The following PRKCI variants were observed in gnomAD, a reference collection of about 807,000 sequenced individuals.
The protein encoded by PRKCI is protein kinase C iota.
PRKCI carries 43 observed loss-of-function variants against 84.0 expected under a neutral mutation model. The ratio of observed to expected loss-of-function variants is 0.51; its 90% confidence interval spans 0.40 to 0.66. PRKCI has a LOEUF of 0.66. Among genes scored for constraint, PRKCI ranks in the 30% least tolerant of loss-of-function variants. PRKCI has a pLI of 0.00. For missense variants in PRKCI, 459 were observed against 745.6 expected (o/e 0.62, Z 4.48); for synonymous variants, 216 against 234.4 (o/e 0.92, Z 0.72).
chr3:170,223,084 C>T (rs2036065306), intron 1 of PRKCI, among the ~76,000 whole-genome samples: 1 of 152,068 alleles, frequency 6.6e-6, no homozygotes, highest in African/African-American at 2.4e-5. Flanking sequence ...TTTGTAGGGG[C>T]CTTGCATCCT....
intron 2 of PRKCI, among the ~76,000 whole-genome samples, chr3:170,258,941 C>G (rs7609783): frequency 0.34 from 52,310 of 151,970 alleles, 9,981 homozygotes; most frequent in African/African-American, 0.51. Flanking sequence ...CAGAAAGCCT[C>G]CTCTTTAGAC....
chr3:170,254,767 GT>G (rs1487021891), intron 2 of PRKCI, among the ~76,000 whole-genome samples: 1 of 152,152 alleles, frequency 6.6e-6, no homozygotes, highest in Non-Finnish European at 1.5e-5. Context: ...GATCCCTCCA[GT>G]TTTGTTCTTT....
chr3:170,299,039 T>C lies in PRKCI; in HGVS notation c.1632T>C (p.Ser544=). The C allele has an allele frequency of 1.2e-6, 2 of 1,613,562 alleles. No individual in the cohort carries two copies. Among genetic ancestry groups the C allele is most frequent in the Non-Finnish European group, 1.7e-6 (2 of 1,179,830 alleles). The part of the protein sequence containing the change: ...QVVPPFKPNI[S]GEFGLDNFDS... Reference sequence around the variant, plus strand: ...TACCTCCCTTTAAACCAAATATTTCTGGGGAATTTGGTTTGGACAACTTTG... The same window carrying C: ...TACCTCCCTTTAAACCAAATATTTCCGGGGAATTTGGTTTGGACAACTTTG... Residue 544 remains serine, a synonymous_variant, in exon 17 of 18, where the codon TCT becomes TCC. Transcript: ENST00000295797.
At chr3:170,284,399 A>C (rs1428440946) in intron 11 of PRKCI, 62 bp from the exon 12 acceptor site, 1 of 1,344,438 alleles carries the variant, frequency 7.4e-7, no homozygotes, top group Non-Finnish European at 1.0e-6. Flanking sequence ...TTGTGTTTCC[A>C]GTTGTAAATG....
chr3:170,290,731 T>C lies in PRKCI; in HGVS notation c.1204-1123T>C, dbSNP rs1734530853. Among the ~76,000 whole-genome samples, 3 of 152,202 alleles carry C rather than the reference T, an allele frequency of 2.0e-5. No individual in the cohort carries two copies. In the South Asian group the frequency reaches 6.2e-4, roughly 31 times the overall value. On this transcript the variant is annotated intron_variant, in intron 12 of 17. Coordinates refer to ENST00000295797, the MANE Select transcript of PRKCI (RefSeq NM_002740.6). ...TATTTTGAGGCCATGTTGTTGAGTG[T>C]ATGCAAGTGTATATTTGTTACAATT...
chr3:170,300,435 A>G (rs1734792986), intron 17 of PRKCI, among the ~76,000 whole-genome samples: 1 of 151,900 alleles, frequency 6.6e-6, no homozygotes, highest in South Asian at 2.1e-4. Context: ...TCATTTTGTC[A>G]GTTATCTTTT....
chr3:170,288,355 A>G (rs1465440879), intron 12 of PRKCI, among the ~76,000 whole-genome samples: 2 of 152,184 alleles, frequency 1.3e-5, no homozygotes, highest in East Asian at 1.9e-4. Flanking sequence ...GGGATCCTCA[A>G]TCAAGTTAGT....
At position 170,267,881 on chromosome 3, in the gene PRKCI, T is replaced by C. The variant is rs781102798; in HGVS notation, c.365-34T>C. On this transcript the variant is annotated intron_variant, in intron 4 of 17. Coordinates refer to ENST00000295797, the MANE Select transcript of PRKCI (RefSeq NM_002740.6). Reference sequence around the variant, plus strand: ...AAATGATTTTTACTCAAACTTGCTCTTTTTTCTTTTTTTAACTATTACTCT... The same window carrying C: ...AAATGATTTTTACTCAAACTTGCTCCTTTTTCTTTTTTTAACTATTACTCT... 8 of 1,478,766 alleles carry C rather than the reference T, an allele frequency of 5.4e-6. No individual in the cohort carries two copies. In the Admixed American group the frequency reaches 6.3e-5, roughly 12 times the overall value. The allele number at this position is 1,478,766 out of a possible 1,614,324, so 91.6% of individuals were successfully genotyped here. A position where few individuals can be genotyped will look rare whatever the true frequency, so the allele number is the denominator to read the frequency against.
chr3:170,296,799 A>T (rs1174220751), intron 15 of PRKCI, among the ~76,000 whole-genome samples: 1 of 152,224 alleles, frequency 6.6e-6, no homozygotes, highest in African/African-American at 2.4e-5. Flanking sequence ...ACATATTCTC[A>T]TTCATAGTGA....
chr3:170,271,708 T>C lies in PRKCI; in HGVS notation c.591+1147T>C, dbSNP rs549305239. 4.6e-5 allele frequency among the ~76,000 whole-genome samples: 7 copies of C among 152,354 alleles called. No individual in the cohort carries two copies. In the South Asian group the frequency reaches 1.4e-3, roughly 32 times the overall value. ...TTGTCTTCTTTATTCTTTTATCTTGTACAGTAGTTGGATGTCGAGGTTTGA... is the reference window on the plus strand; with the variant it reads ...TTGTCTTCTTTATTCTTTTATCTTGCACAGTAGTTGGATGTCGAGGTTTGA... On this transcript the variant is annotated intron_variant, in intron 6 of 17. Transcript: ENST00000295797.
At position 170,303,295 on chromosome 3, in the gene PRKCI, GA is replaced by G. The variant is rs373110439; in HGVS notation, c.*177del. The G allele has an allele frequency of 5.0e-3, 1,980 of 396,282 alleles. 41 individuals carry two copies. Among genetic ancestry groups the G allele is most frequent in the African/African-American group, 0.037 (1,746 of 47,706 alleles). The allele number at this position is 396,282 out of a possible 1,614,324, so 24.5% of individuals were successfully genotyped here. A position where few individuals can be genotyped will look rare whatever the true frequency, so the allele number is the denominator to read the frequency against. On this transcript the variant is annotated 3_prime_UTR_variant, in exon 18 of 18. Coordinates refer to ENST00000295797, the MANE Select transcript of PRKCI (RefSeq NM_002740.6). ...TCAATTATTACATCTGTTTTACTATGAAAAAAAAATTAATACTACTAGCTTC... is the reference window on the plus strand; with the variant it reads ...TCAATTATTACATCTGTTTTACTATGAAAAAAAATTAATACTACTAGCTTC...
chr3:170,241,285 TTAC>T (rs1733124381), intron 2 of PRKCI, among the ~76,000 whole-genome samples: 2 of 152,188 alleles, frequency 1.3e-5, no homozygotes, highest in African/African-American at 4.8e-5. Flanking sequence ...TCACCAGAAC[TTAC>T]TACTCCTGTC....
intron 8 of PRKCI, among the ~76,000 whole-genome samples, chr3:170,278,280 C>A (rs977687934): frequency 6.6e-6 from 1 of 152,214 alleles, no homozygotes; most frequent in South Asian, 2.1e-4. Context: ...TTACACTTCT[C>A]TTCTTTCTTA....
At chr3:170,271,803 TCCA>T (rs1734013107) in intron 6 of PRKCI, among the ~76,000 whole-genome samples, 1 of 152,152 alleles carries the variant, frequency 6.6e-6, no homozygotes, top group Non-Finnish European at 1.5e-5. Flanking sequence ...GGGTTGTTTA[TCCA>T]CCAGAAGGCA....
At chr3:170,257,639 T>C (rs978807777) in intron 2 of PRKCI, among the ~76,000 whole-genome samples, 4 of 150,950 alleles carry the variant, frequency 2.6e-5, no homozygotes, top group Admixed American at 6.6e-5. Flanking sequence ...ATGAATGGAG[T>C]GTCAATCTGA....
intron 2 of PRKCI, among the ~76,000 whole-genome samples, chr3:170,253,635 CA>C (rs1324929640): frequency 6.6e-6 from 1 of 151,850 alleles, no homozygotes; most frequent in Admixed American, 6.6e-5. Flanking sequence ...ACTAAAAATC[CA>C]AAAAATTAGC....
At chr3:170,288,946 T>C (rs1734468866) in intron 12 of PRKCI, among the ~76,000 whole-genome samples, 1 of 152,200 alleles carries the variant, frequency 6.6e-6, no homozygotes, top group Non-Finnish European at 1.5e-5. Context: ...TTAGTATCTT[T>C]AGAGTTATGT....
rs376325909 is a variant in PRKCI at position 170,235,200 on chromosome 3, T to C, written c.102-30T>C. On this transcript the variant is annotated intron_variant, in intron 1 of 17. Transcript: ENST00000295797. ...TACAGCATTATTATTTTTAATCATT[T>C]TCAAACTGAAAACTCCTTTTCTTTT... 1.6e-5 allele frequency: 26 copies of C among 1,604,316 alleles called. No individual in the cohort carries two copies. The African/African-American group carries it at 3.3e-4, about 21-fold the overall frequency.
intron 1 of PRKCI, among the ~76,000 whole-genome samples, chr3:170,232,695 G>C (rs1472236081): frequency 6.6e-6 from 1 of 151,858 alleles, no homozygotes; most frequent in Admixed American, 6.6e-5. Context: ...CTGGGACTAC[G>C]CTATGCTTGG....
Sources: gnomAD v4.1 joint callset for allele counts (sites outside exome capture counted in the v4.1 genomes callset) on GRCh38, gnomAD v4.1.1 for gene constraint, MANE v1.5 for transcripts, NCBI Gene and HGNC (gene_info 2026-07-23, HGNC 2026-07-21) for gene names.